The following SEPTIN9 variants were observed in gnomAD, a reference collection of about 807,000 sequenced individuals.
The protein encoded by SEPTIN9 is septin-9.
A neutral mutation model predicts 56.6 loss-of-function variants in SEPTIN9; 13 were observed. That is an observed-to-expected ratio of 0.23 (90% confidence interval 0.15 to 0.37). The LOEUF (loss-of-function observed/expected upper bound fraction) is 0.37. Ranked by LOEUF, SEPTIN9 falls within the 10% of genes least tolerant of loss-of-function variation. The pLI, the probability that SEPTIN9 is intolerant of heterozygous loss-of-function variation, is 1.00. For synonymous variants in SEPTIN9, 332 were observed against 334.1 expected (o/e 0.99, Z 0.07); for missense variants, 650 against 823.1 (o/e 0.79, Z 2.57).
chr17:77,353,384 C>T (rs76663361), intron 2 of SEPTIN9, among the ~76,000 whole-genome samples: 1 of 152,210 alleles, frequency 6.6e-6, no homozygotes, highest in African/African-American at 2.4e-5. Context: ...AAGGTGCTAG[C>T]GAGTAGAGCT....
chr17:77,461,881 A>G (rs1015751076), intron 3 of SEPTIN9, among the ~76,000 whole-genome samples: 5 of 152,198 alleles, frequency 3.3e-5, no homozygotes, highest in African/African-American at 1.2e-4. Context: ...AGGAGAGCCA[A>G]TGGCGTCGTT....
intron 3 of SEPTIN9, among the ~76,000 whole-genome samples, chr17:77,444,137 G>T (rs189597245): frequency 6.6e-6 from 1 of 152,216 alleles, no homozygotes; most frequent in Admixed American, 6.5e-5. Flanking sequence ...GCTGAAGAGC[G>T]TAGGCTCCTT....
chr17:77,290,771 C>T (rs1264800924), intron 1 of SEPTIN9, among the ~76,000 whole-genome samples: 3 of 149,316 alleles, frequency 2.0e-5, no homozygotes, highest in African/African-American at 4.9e-5. Flanking sequence ...GCCGAGATTG[C>T]GCCAGTGCAC....
At chr17:77,432,705 A>G (rs1368013654) in intron 3 of SEPTIN9, among the ~76,000 whole-genome samples, 2 of 152,188 alleles carry the variant, frequency 1.3e-5, no homozygotes, top group African/African-American at 4.8e-5. Context: ...TGCCTGCGGC[A>G]CTCACGCAGC....
At chr17:77,286,263 A>G (rs2031273083) in intron 1 of SEPTIN9, 1 of 152,366 alleles carries the variant, frequency 6.6e-6, no homozygotes, top group South Asian at 2.1e-4. Flanking sequence ...GGCAGGGGCC[A>G]CCTGCCCTGC....
intron 3 of SEPTIN9, among the ~76,000 whole-genome samples, chr17:77,471,243 A>C (rs1301777137): frequency 6.6e-6 from 1 of 152,046 alleles, no homozygotes; most frequent in African/African-American, 2.4e-5. Context: ...GCTCCTACTC[A>C]TGGCCCAGGA....
intron 2 of SEPTIN9, among the ~76,000 whole-genome samples, chr17:77,365,270 A>T (rs1042453160): frequency 2.6e-5 from 4 of 151,986 alleles, no homozygotes; most frequent in Non-Finnish European, 5.9e-5. Context: ...TTGCTCCCTT[A>T]TTGAGTCTCT....
rs1353991571 is a variant in SEPTIN9 at position 77,472,133 on chromosome 17, A to C, written c.722-10011A>C. On this transcript the variant is annotated intron_variant, in intron 3 of 11. Coordinates refer to ENST00000427177, the MANE Select transcript of SEPTIN9 (RefSeq NM_001113491.2). ...CTCAATAGGCCGCGGAGCCTGGGTG[A>C]AAAAACTCAGGCTAGGGAGGTGGTG... 2.0e-5 allele frequency among the ~76,000 whole-genome samples: 3 copies of C among 152,136 alleles called. No homozygotes were observed. The South Asian group carries it at 6.2e-4, about 32-fold the overall frequency.
intron 2 of SEPTIN9, among the ~76,000 whole-genome samples, chr17:77,397,769 C>T (rs150725522): frequency 0.021 from 3,175 of 152,258 alleles, 111 homozygotes; most frequent in African/African-American, 0.073. Flanking sequence ...TCTGCCTCAG[C>T]CTTCCAAGTA....
chr17:77,399,685 A>G (rs1252931487), intron 2 of SEPTIN9, among the ~76,000 whole-genome samples: 1 of 152,100 alleles, frequency 6.6e-6, no homozygotes, highest in Non-Finnish European at 1.5e-5. Flanking sequence ...ATCTCATTAC[A>G]TTCAGTTCTG....
chr17:77,404,742 A>G (rs1274380218), intron 3 of SEPTIN9, among the ~76,000 whole-genome samples: 1 of 152,116 alleles, frequency 6.6e-6, no homozygotes, highest in Non-Finnish European at 1.5e-5. Flanking sequence ...GGGCATCGGA[A>G]CACACTGAGT....
chr17:77,475,486 C>A lies in SEPTIN9; in HGVS notation c.722-6658C>A. 6.3e-7 allele frequency: 1 copy of A among 1,595,060 alleles called. No homozygotes were observed. Among genetic ancestry groups the A allele is most frequent in the Non-Finnish European group, 8.5e-7 (1 of 1,171,406 alleles). On this transcript the variant is annotated intron_variant, in intron 3 of 11. Transcript: ENST00000427177. This position sits in a 1 kb window ranked among gnomAD's most constrained non-coding sequence, Gnocchi z 4.6. ...AAGCCCCTTTGTGGGGGACAGGGAG[C>A]ATCTGTTAGTTTATAGGACCTGAAG...
intron 3 of SEPTIN9, chr17:77,454,378 C>G: frequency 1.0e-6 from 1 of 985,482 alleles, no homozygotes; most frequent in Non-Finnish European, 1.2e-6. Flanking sequence ...GGACCTGTTC[C>G]CGGAGCTCAG....
At chr17:77,304,852 G>A (rs1031806157) in intron 1 of SEPTIN9, among the ~76,000 whole-genome samples, 13 of 152,282 alleles carry the variant, frequency 8.5e-5, no homozygotes, top group African/African-American at 2.9e-4. Context: ...GCTTCCAGTC[G>A]GGTGTGTGAA....
intron 3 of SEPTIN9, among the ~76,000 whole-genome samples, chr17:77,410,583 C>T (rs2144146332): frequency 6.6e-6 from 1 of 152,364 alleles, no homozygotes; most frequent in Admixed American, 6.5e-5. Flanking sequence ...GCCGCCCCTG[C>T]CCTGCCTAGT....
Position 77,492,782 on chromosome 17 carries a change from G to T in SEPTIN9, c.1476+66G>T. On this transcript the variant is annotated intron_variant, in intron 9 of 11. Coordinates refer to ENST00000427177, the MANE Select transcript of SEPTIN9 (RefSeq NM_001113491.2). This position sits in a 1 kb window ranked among gnomAD's most constrained non-coding sequence, Gnocchi z 5.4. Reference sequence around the variant, plus strand: ...AGTTCCTGCTGAAGGGTGGGTTGGGGGTTTGGAGGACCTTAAGCCATGAAA... The same window carrying T: ...AGTTCCTGCTGAAGGGTGGGTTGGGTGTTTGGAGGACCTTAAGCCATGAAA... The T allele has an allele frequency of 6.9e-7, 1 of 1,445,022 alleles. No individual in the cohort carries two copies. Among genetic ancestry groups the T allele is most frequent in the Non-Finnish European group, 9.7e-7 (1 of 1,026,098 alleles). The allele number at this position is 1,445,022 out of a possible 1,614,324, so 89.5% of individuals were successfully genotyped here.
In SEPTIN9 at chr17:77,453,916, C is replaced by A; in HGVS notation, c.722-28228C>A. 1 of 316,174 alleles carries A rather than the reference C, an allele frequency of 3.2e-6. No individual in the cohort carries two copies. The highest frequency in any genetic ancestry group is 4.6e-6 in the Non-Finnish European group (1 of 217,862). The allele number at this position is 316,174 out of a possible 1,614,324, so 19.6% of individuals were successfully genotyped here. ...CCTGGTGCAGTGTGTGGCTTCCCTG[C>A]CGGTGTCAAAGGTCTCAAGGCCCCT... On this transcript the variant is annotated intron_variant, in intron 3 of 11. Transcript: ENST00000427177. The surrounding 1 kb of genome is among the most constrained non-coding windows in gnomAD (Gnocchi z 4.4).
chr17:77,283,514 C>T (rs575605031), intron 1 of SEPTIN9, among the ~76,000 whole-genome samples: 2 of 42,352 alleles, frequency 4.7e-5, no homozygotes, highest in East Asian at 1.1e-3. Context: ...TCAGGCTGAC[C>T]CCCCAACAAG....
At chr17:77,289,569 C>T (rs1417753048) in intron 1 of SEPTIN9, among the ~76,000 whole-genome samples, 2 of 151,452 alleles carry the variant, frequency 1.3e-5, no homozygotes, top group African/African-American at 2.4e-5. Flanking sequence ...TCACCATGCC[C>T]GGCTAATTTT....
Sources: gnomAD v4.1 joint callset for allele counts (sites outside exome capture counted in the v4.1 genomes callset) on GRCh38, gnomAD v4.1.1 for gene constraint, Gnocchi (gnomAD v3.1) non-coding constraint, MANE v1.5 for transcripts, NCBI Gene and HGNC (gene_info 2026-07-23, HGNC 2026-07-21) for gene names.